RBPJ: variants seen among roughly 807,000 people sequenced by gnomAD.
RBPJ encodes recombining binding protein suppressor of hairless.
In RBPJ, 9 loss-of-function variants were observed where a neutral mutation model predicts 67.8. That is an observed-to-expected ratio of 0.13 (90% CI 0.08 to 0.23). The LOEUF is 0.23. RBPJ is among the 10% of genes least tolerant of loss of function. The pLI is 1.00. For missense variants in RBPJ, 305 were observed against 595.6 expected, an observed-to-expected ratio of 0.51 and a Z score of 5.08; for synonymous variants, 198 against 203.3, an observed-to-expected ratio of 0.97 and a Z score of 0.22.
At chr4:26,217,801 A>G (rs1045645903) in intron 1 of RBPJ, among the ~76,000 whole-genome samples, 8 of 152,196 alleles carry the variant, frequency 5.3e-5, no homozygotes, top group Non-Finnish European at 1.2e-4. Context: ...CCAACCTGCT[A>G]TGTAGCTGGG....
chr4:26,378,692 T>G (rs1730008010), intron 1 of RBPJ, among the ~76,000 whole-genome samples: 1 of 152,194 alleles, frequency 6.6e-6, no homozygotes, highest in Admixed American at 6.5e-5. Context: ...TGTTTGTTTG[T>G]TTTTTAATTG....
At chr4:26,359,777 T>G (rs140022904) in intron 1 of RBPJ, 56 of 151,560 alleles carry the variant, frequency 3.7e-4, no homozygotes, top group African/African-American at 1.2e-3. Flanking sequence ...CGGCGTCCCG[T>G]GAGCACCCCG....
chr4:26,334,613 C>T (rs1724616669), intron 1 of RBPJ, among the ~76,000 whole-genome samples: 1 of 152,158 alleles, frequency 6.6e-6, no homozygotes, highest in Non-Finnish European at 1.5e-5. Flanking sequence ...ACTCAAGCTA[C>T]TGCCATGCCT....
intron 3 of RBPJ, 49 bp from the exon 4 acceptor site, chr4:26,415,426 C>CT: frequency 7.3e-7 from 1 of 1,364,734 alleles, no homozygotes; most frequent in South Asian, 1.4e-5. Context: ...TTTATTGAAT[C>CT]TAATTGATTT....
intron 2 of RBPJ, among the ~76,000 whole-genome samples, chr4:26,405,019 A>C (rs1176218595): frequency 6.6e-6 from 1 of 152,170 alleles, no homozygotes; most frequent in African/African-American, 2.4e-5. Context: ...GGTAGGGATT[A>C]GTTCTCAGTC....
chr4:26,426,691 T>C (rs2109827932), intron 7 of RBPJ, among the ~76,000 whole-genome samples: 1 of 152,240 alleles, frequency 6.6e-6, no homozygotes, highest in South Asian at 2.1e-4. Context: ...AGGGAAGTCT[T>C]TTTGAAGTCG....
At chr4:26,159,344 C>A (rs142916839), upstream of RBPJ, among the ~76,000 whole-genome samples, 1 of 152,154 alleles carries the variant, frequency 6.6e-6, no homozygotes, top group Non-Finnish European at 1.5e-5. Flanking sequence ...AGTTTTTCCA[C>A]CACCTGGATG....
chr4:26,424,284 T>A lies in RBPJ; in HGVS notation c.497-58T>A. ...ACTGCCAAGCAGAATTTCCTTCTTTTGCTCCCTCCCCACCTTCTGCTCCAA... is the reference window on the plus strand; with the variant it reads ...ACTGCCAAGCAGAATTTCCTTCTTTAGCTCCCTCCCCACCTTCTGCTCCAA... On this transcript the variant is annotated intron_variant, in intron 5 of 10. Coordinates refer to ENST00000355476, the MANE Select transcript of RBPJ (RefSeq NM_015874.6). This position sits in a 1 kb window ranked among gnomAD's most constrained non-coding sequence, Gnocchi z 5.3. 2 of 1,551,340 alleles carry A rather than the reference T, an allele frequency of 1.3e-6. No homozygotes were observed. The highest frequency in any genetic ancestry group is 1.8e-6 in the Non-Finnish European group (2 of 1,137,412).
intron 1 of RBPJ, among the ~76,000 whole-genome samples, chr4:26,338,834 A>C (rs1031775389): frequency 6.0e-5 from 9 of 151,252 alleles, no homozygotes; most frequent in African/African-American, 2.2e-4. Context: ...CGGCCTCCCA[A>C]AGTGCTGGGA....
At chr4:26,299,196 A>G (rs1721985961) in intron 1 of RBPJ, among the ~76,000 whole-genome samples, 1 of 152,220 alleles carries the variant, frequency 6.6e-6, no homozygotes, top group Non-Finnish European at 1.5e-5. Context: ...CTTTCTTAGG[A>G]AAGTTTAATA....
chr4:26,394,700 A>G (rs1731937903), intron 2 of RBPJ, among the ~76,000 whole-genome samples: 1 of 152,124 alleles, frequency 6.6e-6, no homozygotes, highest in Non-Finnish European at 1.5e-5. Context: ...TTTTTTAAAA[A>G]AGAGATATTA....
chr4:26,123,846 G>A, the RBPJ span, among the ~76,000 whole-genome samples: 2 of 152,026 alleles, frequency 1.3e-5, no homozygotes, highest in East Asian at 3.9e-4. Flanking sequence ...GGTCTTCAGG[G>A]GCATGGAGCT....
At chr4:26,229,311 A>T (rs1719193663) in intron 1 of RBPJ, among the ~76,000 whole-genome samples, 1 of 152,192 alleles carries the variant, frequency 6.6e-6, no homozygotes, top group African/African-American at 2.4e-5. Flanking sequence ...AACAGGAAGG[A>T]TTCCTCTGGA....
the RBPJ span, among the ~76,000 whole-genome samples, chr4:26,152,269 G>A: frequency 1.3e-5 from 2 of 152,188 alleles, no homozygotes; most frequent in Non-Finnish European, 2.9e-5. Context: ...ATGTCTTCCA[G>A]CACGTGGTTT....
chr4:26,261,343 G>T (rs948875023), intron 1 of RBPJ, among the ~76,000 whole-genome samples: 6 of 151,478 alleles, frequency 4.0e-5, no homozygotes, highest in Non-Finnish European at 7.4e-5. Context: ...TAAGGTAGAG[G>T]TTAAAAAAAA....
chr4:26,389,876 T>A (rs1731325383), intron 2 of RBPJ, among the ~76,000 whole-genome samples: 1 of 152,048 alleles, frequency 6.6e-6, no homozygotes, highest in Non-Finnish European at 1.5e-5. Context: ...AAGAAAAAAA[T>A]TATCTCAATT....
the RBPJ span, among the ~76,000 whole-genome samples, chr4:26,153,954 A>T: frequency 6.6e-6 from 1 of 152,170 alleles, no homozygotes; most frequent in Non-Finnish European, 1.5e-5. Context: ...TCTCAAAAAA[A>T]AAAGTTTCAG....
upstream of RBPJ, among the ~76,000 whole-genome samples, chr4:26,315,144 CAAAAA>C (rs60940172): frequency 2.9e-4 from 3 of 10,352 alleles, no homozygotes; most frequent in African/African-American, 7.3e-4. Context: ...GTCTCTGTCT[CAAAAA>C]AAAAAAAAAA....
At chr4:26,153,419 T>A in the RBPJ span, among the ~76,000 whole-genome samples, 3 of 152,200 alleles carry the variant, frequency 2.0e-5, no homozygotes, top group South Asian at 2.1e-4. Flanking sequence ...ACAGCAGGCG[T>A]TCAGTCTCCA....
Sources: gnomAD v4.1 joint callset for allele counts (sites outside exome capture counted in the v4.1 genomes callset) on GRCh38, gnomAD v4.1.1 for gene constraint, Gnocchi (gnomAD v3.1) non-coding constraint, MANE v1.5 for transcripts, NCBI Gene and HGNC (gene_info 2026-07-23, HGNC 2026-07-21) for gene names.